Variants in MACROD2 observed in about 807,000 individuals in gnomAD.
MACROD2 encodes the protein ADP-ribose glycohydrolase MACROD2.
In MACROD2, 36 loss-of-function variants were observed where a neutral mutation model predicts 70.4. The observed-to-expected ratio is 0.51, with a 90% confidence interval of 0.39 to 0.68. The LOEUF is 0.68. Among genes scored for constraint, MACROD2 ranks in the 30% least tolerant of loss-of-function variants. MACROD2 has a pLI of 0.00. For synonymous variants in MACROD2, 172 were observed against 178.8 expected (o/e 0.96, Z 0.30); for missense variants, 496 against 538.4 (o/e 0.92, Z 0.78).
intron 8 of MACROD2, among the ~76,000 whole-genome samples, chr20:15,761,907 T>C (rs2146999518): frequency 6.6e-6 from 1 of 152,330 alleles, no homozygotes; most frequent in South Asian, 2.1e-4. Context: ...TTTCCCTATT[T>C]ACACACAGTG....
intron 5 of MACROD2, among the ~76,000 whole-genome samples, chr20:14,717,119 A>G (rs2071405797): frequency 6.6e-6 from 1 of 152,184 alleles, no homozygotes; most frequent in Non-Finnish European, 1.5e-5. Flanking sequence ...TGTGTCAACT[A>G]AACTGCATAT....
At chr20:14,168,307 C>A (rs2081189029) in intron 3 of MACROD2, among the ~76,000 whole-genome samples, 1 of 152,012 alleles carries the variant, frequency 6.6e-6, no homozygotes, top group South Asian at 2.1e-4. Context: ...TTCAAAGATA[C>A]CTTCTAAGTT....
intron 7 of MACROD2, among the ~76,000 whole-genome samples, chr20:15,483,867 A>G (rs1026241103): frequency 6.6e-6 from 1 of 151,846 alleles, no homozygotes; most frequent in Non-Finnish European, 1.5e-5. Context: ...CTACTAGTTT[A>G]TTGTTGGTAC....
rs527464382 is a variant in MACROD2, at chr20:14,452,674, G to A, written c.272-40805G>A. On this transcript the variant is annotated intron_variant, in intron 3 of 17. Transcript: ENST00000684519. ...TGTAGCTCCCTTTATACAATGTGCA[G>A]TTCTGAAAAAGTGAATTGTTATTAC... 5.8e-4 allele frequency among the ~76,000 whole-genome samples: 89 copies of A among 152,220 alleles called. 1 individual carries two copies. The South Asian group carries it at 0.016, about 27-fold the overall frequency.
At chr20:15,655,213 A>G (rs2049710483) in intron 8 of MACROD2, among the ~76,000 whole-genome samples, 1 of 152,096 alleles carries the variant, frequency 6.6e-6, no homozygotes, top group Admixed American at 6.6e-5. Context: ...AGATGTGAAA[A>G]AGGACAACTC....
intron 8 of MACROD2, among the ~76,000 whole-genome samples, chr20:15,711,614 G>C: frequency 6.6e-6 from 1 of 152,184 alleles, no homozygotes; most frequent in East Asian, 1.9e-4. Flanking sequence ...GGGAAATGGC[G>C]TGTGTTTTCC....
chr20:16,007,135 G>A (rs551577596), intron 15 of MACROD2, among the ~76,000 whole-genome samples: 51 of 152,186 alleles, frequency 3.4e-4, no homozygotes, highest in Non-Finnish European at 3.7e-4. Flanking sequence ...ATGACATAAT[G>A]TTTGAAGTAC....
rs1216871186 is a variant in MACROD2 at position 15,021,290 on chromosome 20, G to GTATACACACACC, written c.419-208649_419-208648insATACACACACCT. The stretch of plus-strand genomic sequence containing the variant: ...TGTGTGTGTATACGCACACCTGTGT[G>GTATACACACACC]TGTGTATATGCACATATACATATAC... On this transcript the variant is annotated intron_variant, in intron 5 of 17. Coordinates refer to ENST00000684519, the MANE Select transcript of MACROD2 (RefSeq NM_001351661.2). Among the ~76,000 whole-genome samples the GTATACACACACC allele has an allele frequency of 2.0e-4, 27 of 136,844 alleles. 1 individual carries two copies. Among genetic ancestry groups the GTATACACACACC allele is most frequent in the Non-Finnish European group, 4.3e-4 (27 of 62,834 alleles). 89.8% of individuals were successfully genotyped at this position (136,844 alleles called of 152,430 possible).
intron 8 of MACROD2, among the ~76,000 whole-genome samples, chr20:15,502,291 C>T (rs923332971): frequency 5.9e-5 from 9 of 152,034 alleles, no homozygotes; most frequent in Middle Eastern, 3.2e-3. Flanking sequence ...TAAAACATTC[C>T]ACACAGAGAG....
chr20:14,954,757 A>AATAT (rs1568895210), intron 5 of MACROD2, among the ~76,000 whole-genome samples: 41 of 28,726 alleles, frequency 1.4e-3, no homozygotes, highest in South Asian at 4.2e-3. Context: ...TAAATATATA[A>AATAT]ATAAATTTTA....
At chr20:15,572,250 A>G (rs1188912322) in intron 8 of MACROD2, among the ~76,000 whole-genome samples, 1 of 152,084 alleles carries the variant, frequency 6.6e-6, no homozygotes, top group East Asian at 1.9e-4. Context: ...CCAAGCCCTC[A>G]TATGAATCAG....
At chr20:14,860,095 G>A (rs1044591692) in intron 5 of MACROD2, among the ~76,000 whole-genome samples, 5 of 152,012 alleles carry the variant, frequency 3.3e-5, no homozygotes, top group Non-Finnish European at 7.4e-5. Context: ...AGTTATATAA[G>A]GTTCCTGAAT....
At chr20:14,623,473 G>A (rs755751396) in intron 4 of MACROD2, among the ~76,000 whole-genome samples, 1 of 152,144 alleles carries the variant, frequency 6.6e-6, no homozygotes, top group Non-Finnish European at 1.5e-5. Flanking sequence ...TTAACATATT[G>A]CTAAAATGAT....
chr20:15,269,469 A>G (rs1214989800), intron 6 of MACROD2, among the ~76,000 whole-genome samples: 1 of 152,208 alleles, frequency 6.6e-6, no homozygotes, highest in Non-Finnish European at 1.5e-5. Context: ...AAAAATAGAA[A>G]CTAAATACAT....
intron 5 of MACROD2, among the ~76,000 whole-genome samples, chr20:14,686,204 C>T (rs2071000381): frequency 1.3e-5 from 2 of 152,102 alleles, no homozygotes; most frequent in Middle Eastern, 3.4e-3. Flanking sequence ...ATGCTTGAGA[C>T]CAGACATGAT....
intron 3 of MACROD2, among the ~76,000 whole-genome samples, chr20:14,329,899 T>C (rs2082802278): frequency 6.6e-6 from 1 of 152,038 alleles, no homozygotes; most frequent in Admixed American, 6.6e-5. Context: ...CCTTTCTCTT[T>C]AGGGGTGTAT....
chr20:14,850,044 C>G (rs900819555), intron 5 of MACROD2: 1 of 500,086 alleles, frequency 2.0e-6, no homozygotes, highest in African/African-American at 2.0e-5. Flanking sequence ...AGGATTGTTA[C>G]AGATCACAAT....
chr20:14,804,782 A>G (rs1175376212), intron 5 of MACROD2, among the ~76,000 whole-genome samples: 3 of 151,878 alleles, frequency 2.0e-5, no homozygotes, highest in Non-Finnish European at 4.4e-5. Context: ...AATCTTTCCC[A>G]ATTTCCTTTC....
chr20:15,131,071 A>G (rs919646563), intron 5 of MACROD2, among the ~76,000 whole-genome samples: 1 of 152,134 alleles, frequency 6.6e-6, no homozygotes, highest in African/African-American at 2.4e-5. Context: ...ATTGTAGTTT[A>G]TACGGGAAGC....
Sources: gnomAD v4.1 joint callset for allele counts (sites outside exome capture counted in the v4.1 genomes callset) on GRCh38, gnomAD v4.1.1 for gene constraint, MANE v1.5 for transcripts, NCBI Gene and HGNC (gene_info 2026-07-23, HGNC 2026-07-21) for gene names.